FGFR2: variants seen among roughly 807,000 people sequenced by gnomAD.
FGFR2 encodes the protein BEK fibroblast growth factor receptor.
FGFR2 carries 19 observed loss-of-function variants against 95.9 expected under a neutral mutation model. The ratio of observed to expected loss-of-function variants is 0.20; its 90% confidence interval spans 0.14 to 0.29. FGFR2 has a LOEUF of 0.29. FGFR2 is among the 10% of genes least tolerant of loss of function. The pLI is 1.00. For synonymous variants in FGFR2, 392 were observed against 393.3 expected (o/e 1.00, Z 0.04); for missense variants, 707 against 1,056.9 (o/e 0.67, Z 4.59).
intron 5 of FGFR2, among the ~76,000 whole-genome samples, chr10:121,544,728 A>C (rs566342392): frequency 6.6e-6 from 1 of 152,282 alleles, no homozygotes; most frequent in East Asian, 1.9e-4. Context: ...GAGATGAAAA[A>C]GTTTTGAAAA....
rs138391666 is a variant in FGFR2 at position 121,537,557 on chromosome 10, C to T, written c.748+1035G>A. Among the ~76,000 whole-genome samples the T allele has an allele frequency of 9.9e-5, 15 of 152,260 alleles. No individual in the cohort carries two copies. In the East Asian group the frequency reaches 2.7e-3, roughly 27 times the overall value. ...CCCACACATGAGATGATACTAGGCA[C>T]ACACGCACAGGCTATGATGTAGGAG... On this transcript the variant is annotated intron_variant, in intron 6 of 17. Transcript: ENST00000358487.
intron 17 of FGFR2, chr10:121,482,193 C>T (rs755474100): frequency 3.7e-6 from 6 of 1,611,660 alleles, no homozygotes; most frequent in Non-Finnish European, 5.1e-6. Context: ...AGGAAAAAAA[C>T]AGGGATATCA....
chr10:121,497,615 C>T (rs1847048411), intron 12 of FGFR2, among the ~76,000 whole-genome samples: 1 of 152,164 alleles, frequency 6.6e-6, no homozygotes, highest in Non-Finnish European at 1.5e-5. Flanking sequence ...AGGCAATGAA[C>T]ATCTCTGTAC....
chr10:121,544,207 G>C (rs1050158005), intron 5 of FGFR2, among the ~76,000 whole-genome samples: 1 of 152,100 alleles, frequency 6.6e-6, no homozygotes, highest in Non-Finnish European at 1.5e-5. Flanking sequence ...CAGCACTTTG[G>C]GAGGCTGAGG....
intron 5 of FGFR2, among the ~76,000 whole-genome samples, chr10:121,540,073 A>T (rs1853471265): frequency 6.6e-6 from 1 of 152,234 alleles, no homozygotes; most frequent in Admixed American, 6.5e-5. Flanking sequence ...CATCACTGAC[A>T]GTCTTAGAAA....
chr10:121,555,273 T>C (rs1216887715), intron 4 of FGFR2, among the ~76,000 whole-genome samples: 1 of 151,746 alleles, frequency 6.6e-6, no homozygotes, highest in Admixed American at 6.6e-5. Context: ...CTAGGGAGGG[T>C]GAGGCAGGAG....
At chr10:121,557,480 T>C (rs558987994) in intron 4 of FGFR2, among the ~76,000 whole-genome samples, 1 of 152,146 alleles carries the variant, frequency 6.6e-6, no homozygotes, top group African/African-American at 2.4e-5. Context: ...GGCTAATCTT[T>C]TATTTTTTGT....
intron 9 of FGFR2, among the ~76,000 whole-genome samples, chr10:121,509,396 C>T (rs956770377): frequency 7.0e-6 from 1 of 142,286 alleles, no homozygotes; most frequent in African/African-American, 2.6e-5. Context: ...TTCCATAGTA[C>T]ATATGGGAGA....
intron 6 of FGFR2, among the ~76,000 whole-genome samples, chr10:121,528,577 C>A (rs893238747): frequency 6.6e-6 from 1 of 152,120 alleles, no homozygotes; most frequent in South Asian, 2.1e-4. Context: ...TAGGGCGGTT[C>A]GAGCAGAAGT....
Position 121,593,983 on chromosome 10 carries a change from T to A in FGFR2, c.-150-16A>T, listed in dbSNP as rs1224303403. On this transcript the variant is annotated splice_polypyrimidine_tract_variant and intron_variant, in intron 1 of 17. Transcript: ENST00000358487. Reference sequence around the variant, plus strand: ...GCTGCAGTCACTAAAGGAAAGAGATTGGCGAGTCAGGGAATCTTCCCCAAT... The same window carrying A: ...GCTGCAGTCACTAAAGGAAAGAGATAGGCGAGTCAGGGAATCTTCCCCAAT... 4 of 714,162 alleles carry A rather than the reference T, an allele frequency of 5.6e-6. No individual in the cohort carries two copies. The highest frequency in any genetic ancestry group is 1.0e-5 in the Non-Finnish European group (4 of 395,508). 44.2% of individuals were successfully genotyped at this position (714,162 alleles called of 1,614,324 possible).
At chr10:121,540,199 T>C (rs940467680) in intron 5 of FGFR2, among the ~76,000 whole-genome samples, 3 of 152,176 alleles carry the variant, frequency 2.0e-5, no homozygotes, top group African/African-American at 7.2e-5. Flanking sequence ...ACTACGAAGG[T>C]AGTTTCAGAG....
At chr10:121,584,894 C>T (rs571405395) in intron 2 of FGFR2, among the ~76,000 whole-genome samples, 1 of 118,488 alleles carries the variant, frequency 8.4e-6, no homozygotes, top group African/African-American at 3.4e-5. Context: ...CTCCATCCCG[C>T]ACCCCACCCC....
chr10:121,487,246 C>T lies in FGFR2; in HGVS notation c.2057+108G>A, dbSNP rs185146352. 1.7e-4 allele frequency: 140 copies of T among 842,854 alleles called. No individual in the cohort carries two copies. The Middle Eastern group carries it at 9.0e-3, about 54-fold the overall frequency. 52.2% of individuals were successfully genotyped at this position (842,854 alleles called of 1,614,324 possible). A position where few individuals can be genotyped will look rare whatever the true frequency, so the allele number is the denominator to read the frequency against. On this transcript the variant is annotated intron_variant, in intron 15 of 17. Coordinates refer to ENST00000358487, the MANE Select transcript of FGFR2 (RefSeq NM_000141.5). Reference sequence around the variant, plus strand: ...CTAAGGCCAGCTCCTGCACCTTCTACGAATGTGTGAAATGCAGCAGCCACT... The same window carrying T: ...CTAAGGCCAGCTCCTGCACCTTCTATGAATGTGTGAAATGCAGCAGCCACT...
chr10:121,550,182 C>T (rs1248440021), intron 5 of FGFR2, among the ~76,000 whole-genome samples: 5 of 152,196 alleles, frequency 3.3e-5, no homozygotes, highest in Non-Finnish European at 7.3e-5. Context: ...TTCTTCCAAA[C>T]GCCAATCCAA....
chr10:121,498,564 T>A lies in FGFR2; in HGVS notation c.1603A>T (p.Met535Leu), dbSNP rs999092280. The A allele has an allele frequency of 2.5e-6, 4 of 1,614,010 alleles. No individual in the cohort carries two copies. Among genetic ancestry groups the A allele is most frequent in the Non-Finnish European group, 2.5e-6 (3 of 1,179,988 alleles). Reference sequence around the variant, plus strand: ...TTCCCAATCATCTTCATCATCTCCATCTCTGACACCAGATCAGAAAGGTCT... The same window carrying A: ...TTCCCAATCATCTTCATCATCTCCAACTCTGACACCAGATCAGAAAGGTCT... The part of the protein sequence containing the change: ...EKDLSDLVSE[M>L]EMMKMIGKHK... Residue 535 changes from methionine to leucine, a missense_variant, in exon 12 of 18, where the codon ATG (methionine) becomes TTG (leucine). By Grantham distance (15) the Met-to-Leu change is conservative. This residue lies in a region of FGFR2 where 194 missense variants were observed against 267.3 expected (regional missense o/e 0.73). Coordinates refer to ENST00000358487, the MANE Select transcript of FGFR2 (RefSeq NM_000141.5).
chr10:121,584,937 C>T (rs1861596713), intron 2 of FGFR2, among the ~76,000 whole-genome samples: 1 of 148,796 alleles, frequency 6.7e-6, no homozygotes, highest in African/African-American at 2.5e-5. Flanking sequence ...CATCCCGCAC[C>T]ACCCCAACCG....
intron 9 of FGFR2, among the ~76,000 whole-genome samples, chr10:121,514,717 A>G (rs748601319): frequency 6.6e-6 from 1 of 152,244 alleles, no homozygotes; most frequent in Non-Finnish European, 1.5e-5. Flanking sequence ...TACTAGTGGC[A>G]TAAGTCCCAA....
intron 17 of FGFR2, among the ~76,000 whole-genome samples, chr10:121,483,462 C>T (rs41294231): frequency 6.6e-6 from 1 of 152,338 alleles, no homozygotes; most frequent in African/African-American, 2.4e-5. Flanking sequence ...ACACTGAAGG[C>T]AGCCTCGGGG....
At chr10:121,562,751 T>C (rs1857165100) in intron 4 of FGFR2, among the ~76,000 whole-genome samples, 1 of 152,220 alleles carries the variant, frequency 6.6e-6, no homozygotes, top group Non-Finnish European at 1.5e-5. Flanking sequence ...CTACACACTG[T>C]ATGATTACAT....
Sources: gnomAD v4.1 joint callset for allele counts (sites outside exome capture counted in the v4.1 genomes callset) on GRCh38, gnomAD v4.1.1 for gene constraint, gnomAD v4.1.1 regional missense constraint, MANE v1.5 for transcripts, NCBI Gene and HGNC (gene_info 2026-07-23, HGNC 2026-07-21) for gene names.